The following MINDY4 variants were observed in gnomAD, a reference collection of about 807,000 sequenced individuals.
MINDY4 encodes the protein probable ubiquitin carboxyl-terminal hydrolase MINDY-4.
MINDY4 carries 68 observed loss-of-function variants against 87.0 expected under a neutral mutation model. The ratio of observed to expected loss-of-function variants is 0.78; its 90% CI spans 0.64 to 0.96. The LOEUF (loss-of-function observed/expected upper bound fraction) is 0.96. Ranked by LOEUF, MINDY4 falls within the 40% of genes least tolerant of loss-of-function variation. The pLI is 0.00. For synonymous variants in MINDY4, 379 were observed against 363.2 expected (o/e 1.04, Z -0.50); for missense variants, 919 against 928.2 (o/e 0.99, Z 0.13).
chr7:30,787,635 T>C (rs7812027), intron 4 of MINDY4, among the ~76,000 whole-genome samples: 98,584 of 152,076 alleles, frequency 0.65, 33,885 homozygotes, highest in African/African-American at 0.89. Flanking sequence ...CTGGCACCAG[T>C]GGATGGAGGT....
chr7:30,875,763 A>C (rs1448768886), intron 15 of MINDY4, 107 bp downstream of exon 15: 1 of 1,277,426 alleles, frequency 7.8e-7, no homozygotes, highest in Non-Finnish European at 1.1e-6. Flanking sequence ...GAGCTGGCTG[A>C]AATTCGGGTC....
At chr7:30,858,608 A>G (rs1789651254) in intron 12 of MINDY4, 1 of 151,926 alleles carries the variant, frequency 6.6e-6, no homozygotes, top group Admixed American at 6.5e-5. Flanking sequence ...AGTTTATCAG[A>G]AAAATCCACA....
chr7:30,847,883 A>C (rs945777880), intron 9 of MINDY4, among the ~76,000 whole-genome samples: 1 of 152,180 alleles, frequency 6.6e-6, no homozygotes, highest in Admixed American at 6.5e-5. Flanking sequence ...GGGACTGCAC[A>C]TGCCACCACA....
chr7:30,835,813 G>A (rs1788839872), intron 6 of MINDY4, among the ~76,000 whole-genome samples: 1 of 152,366 alleles, frequency 6.6e-6, no homozygotes, highest in African/African-American at 2.4e-5. Context: ...TTCTCCCTGG[G>A]TCCTTTATCA....
chr7:30,822,676 C>T (rs1156677122), intron 5 of MINDY4, among the ~76,000 whole-genome samples: 1 of 146,700 alleles, frequency 6.8e-6, no homozygotes, highest in Non-Finnish European at 1.5e-5. Flanking sequence ...TTCACTCTTG[C>T]TAGGCTGGAG....
chr7:30,822,760 C>T (rs569649583), intron 5 of MINDY4, among the ~76,000 whole-genome samples: 9 of 151,992 alleles, frequency 5.9e-5, no homozygotes, highest in African/African-American at 1.9e-4. Flanking sequence ...TGAAGCCTCC[C>T]GAGCAGCTAG....
chr7:30,875,215 A>G (rs1426256565), intron 14 of MINDY4, among the ~76,000 whole-genome samples: 9 of 152,224 alleles, frequency 5.9e-5, no homozygotes, highest in Admixed American at 5.9e-4. Flanking sequence ...TGCCCCCAGT[A>G]GCCTGCAGCA....
At chr7:30,877,512 T>G (rs1356629223) in intron 15 of MINDY4, among the ~76,000 whole-genome samples, 1 of 152,122 alleles carries the variant, frequency 6.6e-6, no homozygotes, top group Non-Finnish European at 1.5e-5. Context: ...GGTAGGTGGA[T>G]GCTTCCTTCC....
At chr7:30,780,393 A>G in intron 2 of MINDY4, 1 of 152,238 alleles carries the variant, frequency 6.6e-6, no homozygotes, top group Non-Finnish European at 1.5e-5. Context: ...TGTCTTTGAC[A>G]TTCAAGCTAT....
At chr7:30,830,518 G>A (rs6963378) in intron 6 of MINDY4, among the ~76,000 whole-genome samples, 25,105 of 152,154 alleles carry the variant, frequency 0.16, 2,737 homozygotes, top group East Asian at 0.4. Context: ...AGAAGGGGAA[G>A]CAAACATGTC....
At chr7:30,797,544 G>A (rs567226192) in intron 5 of MINDY4, among the ~76,000 whole-genome samples, 1 of 152,322 alleles carries the variant, frequency 6.6e-6, no homozygotes, top group East Asian at 1.9e-4. Flanking sequence ...GCATGTTACT[G>A]ATTGAGGCTG....
chr7:30,814,760 A>G (rs895695590), intron 5 of MINDY4, among the ~76,000 whole-genome samples: 1 of 152,238 alleles, frequency 6.6e-6, no homozygotes, highest in African/African-American at 2.4e-5. Context: ...TGAGCTCCAA[A>G]AATAAGTGTT....
intron 11 of MINDY4, among the ~76,000 whole-genome samples, chr7:30,853,069 C>A (rs536400716): frequency 6.6e-6 from 1 of 152,314 alleles, no homozygotes; most frequent in African/African-American, 2.4e-5. Flanking sequence ...CCCTGCCAGC[C>A]GCCTCTCTGA....
chr7:30,774,012 A>G (rs1426670051), intron 1 of MINDY4, among the ~76,000 whole-genome samples: 1 of 152,142 alleles, frequency 6.6e-6, no homozygotes, highest in African/African-American at 2.4e-5. Flanking sequence ...GCGCCCATAG[A>G]GCTGAATGAG....
At chr7:30,824,427 C>T (rs1032196459) in intron 5 of MINDY4, among the ~76,000 whole-genome samples, 21 of 152,148 alleles carry the variant, frequency 1.4e-4, no homozygotes, top group Admixed American at 2.6e-4. Flanking sequence ...GATTAAATTT[C>T]AACATGAGTT....
At chr7:30,874,859 T>C (rs2128579330) in intron 14 of MINDY4, among the ~76,000 whole-genome samples, 1 of 152,306 alleles carries the variant, frequency 6.6e-6, no homozygotes, top group East Asian at 1.9e-4. Flanking sequence ...GTTGAGATAA[T>C]GGGCTCTGGT....
Position 30,882,366 on chromosome 7 carries a change from G to A in MINDY4, c.2152+5G>A, listed in dbSNP as rs769382403. ...AGCAGATCCGGCTGACCATTGGTGC[G>A]GGCCCTCACCCCCCCACCCACCCAA... is the stretch of plus-strand genomic sequence containing the variant. On this transcript the variant is annotated splice_donor_5th_base_variant and intron_variant, in intron 16 of 17. Coordinates refer to ENST00000265299, the MANE Select transcript of MINDY4 (RefSeq NM_032222.3). 25 of 1,552,382 alleles carry A rather than the reference G, an allele frequency of 1.6e-5. No homozygotes were observed. Among genetic ancestry groups the A allele is most frequent in the African/African-American group, 2.7e-5 (2 of 73,698 alleles).
intron 10 of MINDY4, among the ~76,000 whole-genome samples, chr7:30,851,068 G>A (rs757488712): frequency 1.3e-5 from 2 of 152,222 alleles, no homozygotes; most frequent in Admixed American, 6.5e-5. Flanking sequence ...GACCCGCATC[G>A]TCTCTTCACC....
At chr7:30,849,111 A>C (rs965752236) in intron 9 of MINDY4, among the ~76,000 whole-genome samples, 2 of 152,134 alleles carry the variant, frequency 1.3e-5, no homozygotes, top group African/African-American at 4.8e-5. Context: ...GTCACTGGCT[A>C]TGTGTCCCAG....
Sources: allele counts gnomAD v4.1 joint callset (sites outside exome capture counted in the v4.1 genomes callset), GRCh38; gene constraint gnomAD v4.1.1; transcripts MANE v1.5; gene names NCBI Gene and HGNC (gene_info 2026-07-23, HGNC 2026-07-21).